The following FGD4 variants were observed in gnomAD, a reference collection of about 807,000 sequenced individuals.
FGD4 encodes FYVE, RhoGEF and PH domain containing 4.
A neutral mutation model predicts 102.0 loss-of-function variants in FGD4; 42 were observed. That is an observed-to-expected ratio of 0.41 (90% CI 0.32 to 0.53). The LOEUF (loss-of-function observed/expected upper bound fraction) is 0.53, where lower values mean the gene tolerates loss of function less well. FGD4 is among the 20% of genes least tolerant of loss of function. The probability of loss-of-function intolerance (pLI) is 0.21; values close to 1 mark genes in which losing one functional copy is unlikely to be tolerated. For missense variants in FGD4, 902 were observed against 1,078.2 expected (o/e 0.84, Z 2.29); for synonymous variants, 380 against 375.7 (o/e 1.01, Z -0.13).
chr12:32,564,355 A>C, intron 2 of FGD4, 66 bp downstream of exon 2: 1 of 1,490,706 alleles, frequency 6.7e-7, no homozygotes, highest in East Asian at 2.5e-5. Flanking sequence ...TAACCAGAAA[A>C]ATGATGGCCA....
intron 1 of FGD4, among the ~76,000 whole-genome samples, chr12:32,431,660 G>T (rs1942049649): frequency 6.6e-6 from 1 of 151,832 alleles, no homozygotes; most frequent in Admixed American, 6.6e-5. Context: ...TGTAATCCTG[G>T]CACTTGGGAG....
At chr12:32,613,011 T>G (rs1949241858) in intron 10 of FGD4, among the ~76,000 whole-genome samples, 1 of 152,146 alleles carries the variant, frequency 6.6e-6, no homozygotes, top group Non-Finnish European at 1.5e-5. Context: ...ATAATAAGAA[T>G]CATAATAATA....
intron 1 of FGD4, among the ~76,000 whole-genome samples, chr12:32,410,808 G>A (rs924122068): frequency 3.9e-5 from 6 of 151,990 alleles, no homozygotes; most frequent in African/African-American, 7.3e-5. Context: ...AATGCCAAAT[G>A]TCCACCCTGC....
At chr12:32,518,213 G>A (rs1940103939) in intron 1 of FGD4, among the ~76,000 whole-genome samples, 1 of 152,162 alleles carries the variant, frequency 6.6e-6, no homozygotes, top group Admixed American at 6.5e-5. Flanking sequence ...AGGGTGGTGT[G>A]CCCTACAGGG....
At chr12:32,464,456 T>G (rs902246341) in intron 1 of FGD4, among the ~76,000 whole-genome samples, 7 of 152,178 alleles carry the variant, frequency 4.6e-5, no homozygotes, top group African/African-American at 1.7e-4. Flanking sequence ...CCCGGCCTAG[T>G]CATGTTTTAT....
At chr12:32,610,730 G>A (rs763126254) in intron 8 of FGD4, 46 bp from the exon 9 acceptor site, 2 of 1,557,556 alleles carry the variant, frequency 1.3e-6, no homozygotes, top group South Asian at 2.2e-5. Flanking sequence ...TAGAAGCACA[G>A]GAAGGACAAA....
chr12:32,518,796 C>T (rs7308412), intron 1 of FGD4, among the ~76,000 whole-genome samples: 61,613 of 151,116 alleles, frequency 0.41, 13,243 homozygotes, highest in Middle Eastern at 0.61. Flanking sequence ...ACTAAAGATA[C>T]TACATCTTTT....
At chr12:32,483,122 T>TTGTG (rs963811493) in intron 1 of FGD4, among the ~76,000 whole-genome samples, 1 of 151,976 alleles carries the variant, frequency 6.6e-6, no homozygotes, top group Non-Finnish European at 1.5e-5. Flanking sequence ...ATGATAATTT[T>TTGTG]TGTGTGTGTG....
At chr12:32,595,658 A>G (rs1262857126) in intron 4 of FGD4, among the ~76,000 whole-genome samples, 2 of 152,196 alleles carry the variant, frequency 1.3e-5, no homozygotes, top group Admixed American at 6.5e-5. Flanking sequence ...TATAGTAGTA[A>G]TATATACACT....
chr12:32,463,846 G>C (rs1305388104), intron 1 of FGD4, among the ~76,000 whole-genome samples: 2 of 152,190 alleles, frequency 1.3e-5, no homozygotes, highest in Admixed American at 1.3e-4. Context: ...AAAGACAAGA[G>C]ATAAAAAATG....
At chr12:32,639,938 C>G (rs4438130) in intron 16 of FGD4, among the ~76,000 whole-genome samples, 2 of 151,954 alleles carry the variant, frequency 1.3e-5, no homozygotes, top group African/African-American at 2.4e-5. Context: ...TAATGAGATT[C>G]TCATTACTGT....
In FGD4 at chr12:32,458,098, A is replaced by C. The variant is rs562138025; in HGVS notation, c.166+58139A>C. Among the ~76,000 whole-genome samples the C allele has an allele frequency of 1.4e-3, 215 of 152,082 alleles. 1 individual carries two copies. Among genetic ancestry groups the C allele is most frequent in the African/African-American group, 4.9e-3 (205 of 41,480 alleles). On this transcript the variant is annotated intron_variant, in intron 1 of 16. Coordinates refer to ENST00000534526, the MANE Select transcript of FGD4 (RefSeq NM_001370298.3). ...CAGGTACAAATGAATACAGATTAAG[A>C]GGGAAACCTCAAACAGCCAATTTTT...
intron 8 of FGD4, among the ~76,000 whole-genome samples, chr12:32,609,051 A>AT (rs1948971370): frequency 6.6e-6 from 1 of 152,110 alleles, no homozygotes; most frequent in Non-Finnish European, 1.5e-5. Flanking sequence ...TTTAGTAGAG[A>AT]CGGGTTTTCA....
At chr12:32,432,596 T>A (rs1372002405) in intron 1 of FGD4, among the ~76,000 whole-genome samples, 1 of 114,684 alleles carries the variant, frequency 8.7e-6, no homozygotes, top group Non-Finnish European at 1.7e-5. Flanking sequence ...AGAGCAAGAC[T>A]CCATCTCAAA....
intron 1 of FGD4, among the ~76,000 whole-genome samples, chr12:32,489,825 C>T (rs192084519): frequency 5.3e-5 from 8 of 152,204 alleles, no homozygotes; most frequent in African/African-American, 1.9e-4. Context: ...AAAATCAAGA[C>T]TTTGGCCTAT....
intron 4 of FGD4, among the ~76,000 whole-genome samples, chr12:32,591,684 C>A (rs1947484899): frequency 6.6e-6 from 1 of 152,178 alleles, no homozygotes; most frequent in Non-Finnish European, 1.5e-5. Context: ...TGCCTCCAGC[C>A]ATATGGGAGA....
chr12:32,611,023 T>A, intron 9 of FGD4, 114 bp from the exon 10 acceptor site: 1 of 1,344,286 alleles, frequency 7.4e-7, no homozygotes, highest in East Asian at 2.3e-5. Context: ...TATATTAAAA[T>A]GTATGCTTAC....
chr12:32,563,992 AAAGAGAGGGAGACCGT>A, intron 1 of FGD4, 129 bp from the exon 2 acceptor site: 1 of 782,406 alleles, frequency 1.3e-6, no homozygotes, highest in Admixed American at 3.2e-5. Flanking sequence ...GAGACCGTGG[AAAGAGAGGGAGACCGT>A]GGAAAGGGGA....
chr12:32,566,918 A>G (rs1442684668), intron 2 of FGD4, among the ~76,000 whole-genome samples: 1 of 152,244 alleles, frequency 6.6e-6, no homozygotes, highest in South Asian at 2.1e-4. Context: ...AAGTGGAGTC[A>G]GGCTGGCAGG....
Sources: allele counts gnomAD v4.1 joint callset (sites outside exome capture counted in the v4.1 genomes callset), GRCh38; gene constraint gnomAD v4.1.1; transcripts MANE v1.5; gene names NCBI Gene and HGNC (gene_info 2026-07-23, HGNC 2026-07-21).